The following UVRAG variants were observed in gnomAD, a reference collection of about 807,000 sequenced individuals.
The protein encoded by UVRAG is UV radiation resistance-associated gene protein.
Under a neutral mutation model 78.0 loss-of-function variants are expected in UVRAG, and 19 were observed. The observed-to-expected ratio is 0.24, with a 90% CI of 0.17 to 0.36. The LOEUF (loss-of-function observed/expected upper bound fraction) is 0.36. Ranked by LOEUF, UVRAG falls within the 10% of genes least tolerant of loss-of-function variation. The pLI, the probability that UVRAG is intolerant of heterozygous loss-of-function variation, is 1.00. For synonymous variants in UVRAG, 323 were observed against 324.6 expected (o/e 1.00, Z 0.05); for missense variants, 740 against 853.8 (o/e 0.87, Z 1.66).
chr11:75,888,773 T>C, intron 4 of UVRAG, 56 bp from the exon 5 acceptor site: 1 of 1,432,044 alleles, frequency 7.0e-7, no homozygotes, highest in South Asian at 1.2e-5. Flanking sequence ...TCTCTGGTTG[T>C]ATTAAAACAT....
In UVRAG at chr11:76,099,391, A is replaced by C. The variant is rs535408701; in HGVS notation, c.1306-16533A>C. ...CAGTACCTGCTTTGTTAGGGTTCTT[A>C]TGATAATTGAATGAATTAATATTTG... On this transcript the variant is annotated intron_variant, in intron 13 of 14. Transcript: ENST00000356136. Among the ~76,000 whole-genome samples, 242 of 152,292 alleles carry C rather than the reference A, an allele frequency of 1.6e-3. 1 individual carries two copies. Among genetic ancestry groups the C allele is most frequent in the Non-Finnish European group, 3.1e-3 (210 of 68,008 alleles).
At chr11:75,862,638 T>C (rs149207923) in intron 3 of UVRAG, among the ~76,000 whole-genome samples, 70 of 152,368 alleles carry the variant, frequency 4.6e-4, no homozygotes, top group African/African-American at 1.7e-3. Flanking sequence ...GAAGAGGTCT[T>C]CAAGGTCTCA....
At chr11:75,918,839 C>T (rs1448891949) in intron 6 of UVRAG, among the ~76,000 whole-genome samples, 1 of 152,044 alleles carries the variant, frequency 6.6e-6, no homozygotes. Flanking sequence ...ATGAGAGTTG[C>T]AAAAAATTTC....
At chr11:75,989,157 A>G (rs1191871959) in intron 8 of UVRAG, among the ~76,000 whole-genome samples, 2 of 151,806 alleles carry the variant, frequency 1.3e-5, no homozygotes, top group Non-Finnish European at 2.9e-5. Context: ...TGGGTTCAAG[A>G]GACTCTCCTG....
At chr11:76,049,107 C>T (rs1331910608) in intron 12 of UVRAG, among the ~76,000 whole-genome samples, 1 of 152,206 alleles carries the variant, frequency 6.6e-6, no homozygotes, top group African/African-American at 2.4e-5. Flanking sequence ...GTAACACTAA[C>T]CCTGTGAAGG....
chr11:75,947,886 C>A (rs1312676953), intron 6 of UVRAG, among the ~76,000 whole-genome samples: 1 of 152,050 alleles, frequency 6.6e-6, no homozygotes, highest in East Asian at 1.9e-4. Flanking sequence ...ACATAGCCAG[C>A]ACTAAATAAA....
chr11:75,934,506 T>C (rs1948322699), intron 6 of UVRAG, among the ~76,000 whole-genome samples: 1 of 152,204 alleles, frequency 6.6e-6, no homozygotes, highest in African/African-American at 2.4e-5. Context: ...AAAAGTATAA[T>C]TGGATTGTTT....
chr11:75,888,434 G>C (rs1947141390), intron 4 of UVRAG, among the ~76,000 whole-genome samples: 3 of 152,148 alleles, frequency 2.0e-5, no homozygotes, highest in Admixed American at 2.0e-4. Flanking sequence ...GTGAGCTACT[G>C]TGCCAGGCCT....
chr11:76,006,593 C>T lies in UVRAG; in HGVS notation c.912-941C>T, dbSNP rs952326597. 4.7e-5 allele frequency among the ~76,000 whole-genome samples: 6 copies of T among 127,616 alleles called. No homozygotes were observed. The East Asian group carries it at 7.8e-4, about 17-fold the overall frequency. The allele number at this position is 127,616 out of a possible 152,430, so 83.7% of individuals were successfully genotyped here. A position where few individuals can be genotyped will look rare whatever the true frequency, so the allele number is the denominator to read the frequency against. ...GAGGATCAGCTGAGCCCGGGAAGGT[C>T]GAGGCTGCAATGAGCCAAGATTGTG... On this transcript the variant is annotated intron_variant, in intron 9 of 14. Coordinates refer to ENST00000356136, the MANE Select transcript of UVRAG (RefSeq NM_003369.4).
intron 3 of UVRAG, among the ~76,000 whole-genome samples, chr11:75,863,969 T>C (rs913363742): frequency 6.6e-6 from 1 of 152,204 alleles, no homozygotes; most frequent in Non-Finnish European, 1.5e-5. Flanking sequence ...TGACAAATAT[T>C]AATTTTTTGA....
chr11:75,970,305 T>C (rs543064212), intron 7 of UVRAG, among the ~76,000 whole-genome samples: 1 of 152,360 alleles, frequency 6.6e-6, no homozygotes. Context: ...AAACAACAAG[T>C]TTAATTGTAT....
At chr11:75,949,765 A>G (rs965680357) in intron 6 of UVRAG, among the ~76,000 whole-genome samples, 4 of 148,084 alleles carry the variant, frequency 2.7e-5, no homozygotes, top group African/African-American at 1.0e-4. Flanking sequence ...ATATGTATAC[A>G]TATATACACA....
intron 8 of UVRAG, among the ~76,000 whole-genome samples, chr11:75,992,542 AT>A (rs1246011486): frequency 6.6e-6 from 1 of 152,098 alleles, no homozygotes; most frequent in African/African-American, 2.4e-5. Flanking sequence ...TCTTATTCCC[AT>A]TGCGAATGTT....
At chr11:75,884,400 T>C (rs1947032927) in intron 4 of UVRAG, among the ~76,000 whole-genome samples, 1 of 152,122 alleles carries the variant, frequency 6.6e-6, no homozygotes, top group Non-Finnish European at 1.5e-5. Context: ...GTGGCTTGTC[T>C]TTTCATTTTT....
intron 12 of UVRAG, among the ~76,000 whole-genome samples, chr11:76,048,785 A>G (rs1464290076): frequency 2.6e-5 from 4 of 152,250 alleles, no homozygotes; most frequent in Admixed American, 6.5e-5. Context: ...GAAAGCAGGT[A>G]AAGTTTTTAG....
chr11:76,129,184 T>G (rs1952469964), intron 14 of UVRAG, among the ~76,000 whole-genome samples: 1 of 152,194 alleles, frequency 6.6e-6, no homozygotes. Flanking sequence ...AGAGCTAAGA[T>G]TTGAGCCCAG....
At chr11:75,965,975 T>G (rs564321176) in intron 7 of UVRAG, among the ~76,000 whole-genome samples, 1 of 152,244 alleles carries the variant, frequency 6.6e-6, no homozygotes, top group Middle Eastern at 3.4e-3. Context: ...GAGAAACAAC[T>G]CATCATTTCT....
intron 8 of UVRAG, among the ~76,000 whole-genome samples, chr11:76,002,835 G>A (rs1242753545): frequency 6.6e-6 from 1 of 152,122 alleles, no homozygotes; most frequent in East Asian, 1.9e-4. Context: ...TAGCTCTTTG[G>A]GAGGCCACGG....
At chr11:76,053,830 C>G (rs975030324) in intron 12 of UVRAG, among the ~76,000 whole-genome samples, 1 of 151,996 alleles carries the variant, frequency 6.6e-6, no homozygotes, top group African/African-American at 2.4e-5. Flanking sequence ...ATTAGCCACA[C>G]ATGGTGGCAT....
Sources: gnomAD v4.1 joint callset for allele counts (sites outside exome capture counted in the v4.1 genomes callset) on GRCh38, gnomAD v4.1.1 for gene constraint, MANE v1.5 for transcripts, NCBI Gene and HGNC (gene_info 2026-07-23, HGNC 2026-07-21) for gene names.